EIF2B3: variants seen among roughly 807,000 people sequenced by gnomAD.
The protein encoded by EIF2B3 is eukaryotic translation initiation factor 2B subunit gamma.
Under a neutral mutation model 54.1 loss-of-function variants are expected in EIF2B3, and 20 were observed. The observed-to-expected ratio is 0.37, with a 90% confidence interval of 0.26 to 0.54. EIF2B3 has a LOEUF of 0.54. EIF2B3 is among the 20% of genes least tolerant of loss of function. EIF2B3 has a pLI of 0.86. For missense variants in EIF2B3, 448 were observed against 547.8 expected (o/e 0.82, Z 1.82); for synonymous variants, 153 against 188.1 (o/e 0.81, Z 1.52).
At chr1:44,857,454 C>T (rs1654466570) in intron 11 of EIF2B3, among the ~76,000 whole-genome samples, 1 of 151,998 alleles carries the variant, frequency 6.6e-6, no homozygotes, top group African/African-American at 2.4e-5. Flanking sequence ...TCGCTTGAAC[C>T]CGGGAGGCGG....
At position 44,964,557 on chromosome 1, in the gene EIF2B3, A is replaced by G. The variant is rs60253555; in HGVS notation, c.294+13758T>C. On this transcript the variant is annotated intron_variant, in intron 3 of 11. Transcript: ENST00000360403. ...GTCTTTCTAATAAGCTGTCTCCAGCATGGGGATTTCATTGGCATAGTTTGT... is the reference window on the plus strand; with the variant it reads ...GTCTTTCTAATAAGCTGTCTCCAGCGTGGGGATTTCATTGGCATAGTTTGT... 9.1e-3 allele frequency among the ~76,000 whole-genome samples: 1,388 copies of G among 152,338 alleles called. 21 individuals carry two copies. Among genetic ancestry groups the G allele is most frequent in the African/African-American group, 0.031 (1,279 of 41,588 alleles).
intron 10 of EIF2B3, among the ~76,000 whole-genome samples, chr1:44,861,238 G>A (rs1654602020): frequency 6.6e-6 from 1 of 152,146 alleles, no homozygotes; most frequent in South Asian, 2.1e-4. Context: ...GGTGGTTCCT[G>A]CTTTTTGGGG....
intron 5 of EIF2B3, among the ~76,000 whole-genome samples, chr1:44,920,006 C>G (rs1643706874): frequency 6.7e-6 from 1 of 150,112 alleles, no homozygotes; most frequent in African/African-American, 2.4e-5. Flanking sequence ...AGGCATGAAC[C>G]ACTGCACCCG....
chr1:44,889,406 C>T (rs1655721916), intron 6 of EIF2B3, among the ~76,000 whole-genome samples: 1 of 150,442 alleles, frequency 6.6e-6, no homozygotes, highest in Non-Finnish European at 1.5e-5. Flanking sequence ...GTGTGGTGGC[C>T]TGTGCCTGTA....
chr1:44,953,723 G>A (rs1363684658), intron 3 of EIF2B3, among the ~76,000 whole-genome samples: 1 of 152,184 alleles, frequency 6.6e-6, no homozygotes, highest in Non-Finnish European at 1.5e-5. Flanking sequence ...AGCCCAGGAG[G>A]TCGAGGCTAC....
chr1:44,949,186 TAG>T (rs1553178170), intron 3 of EIF2B3, among the ~76,000 whole-genome samples: 1 of 152,160 alleles, frequency 6.6e-6, no homozygotes, highest in Non-Finnish European at 1.5e-5. Context: ...GTTAATTTGA[TAG>T]AGTCGACTGC....
intron 3 of EIF2B3, among the ~76,000 whole-genome samples, chr1:44,965,090 T>C (rs987567239): frequency 1.3e-5 from 2 of 152,154 alleles, no homozygotes; most frequent in African/African-American, 4.8e-5. Context: ...ACAACACTTC[T>C]TGTTCACATG....
At chr1:44,900,162 A>G (rs7531019) in intron 5 of EIF2B3, among the ~76,000 whole-genome samples, 27,229 of 152,076 alleles carry the variant, frequency 0.18, 2,701 homozygotes, top group Admixed American at 0.28. Context: ...GATGGGAACA[A>G]AAGTCTGGGA....
Position 44,917,755 on chromosome 1 carries a change from C to CTTTTTTTTTT in EIF2B3, c.566+8863_566+8872dup, listed in dbSNP as rs869139321. Among the ~76,000 whole-genome samples, 3 of 44,232 alleles carry CTTTTTTTTTT rather than the reference C, an allele frequency of 6.8e-5. 1 individual carries two copies. The highest frequency in any genetic ancestry group is 9.7e-5 in the Non-Finnish European group (2 of 20,674). The allele number at this position is 44,232 out of a possible 152,430, so 29.0% of individuals were successfully genotyped here. Reference sequence around the variant, plus strand: ...TATTTATTTTGCCACCAATAACACTCTTTTTTTTTTTTTTTTTTTTTTTTT... The same window carrying CTTTTTTTTTT: ...TATTTATTTTGCCACCAATAACACTCTTTTTTTTTTTTTTTTTTTTTTTTTTTTTTTTTTT... On this transcript the variant is annotated intron_variant, in intron 5 of 11. Transcript: ENST00000360403.
chr1:44,984,900 G>T (rs181147961), intron 1 of EIF2B3, among the ~76,000 whole-genome samples: 2 of 138,508 alleles, frequency 1.4e-5, no homozygotes, highest in Non-Finnish European at 1.5e-5. Context: ...TCCGCTTCCC[G>T]GGTTCACGCC....
chr1:44,893,433 A>G (rs925833012), intron 6 of EIF2B3, among the ~76,000 whole-genome samples: 1 of 152,226 alleles, frequency 6.6e-6, no homozygotes, highest in African/African-American at 2.4e-5. Context: ...CATGTTGGCA[A>G]CAGAGATATC....
chr1:44,865,027 G>A (rs1654723668), intron 10 of EIF2B3, among the ~76,000 whole-genome samples: 1 of 152,140 alleles, frequency 6.6e-6, no homozygotes, highest in African/African-American at 2.4e-5. Context: ...AGACCAGCCT[G>A]ATCCAACATG....
intron 5 of EIF2B3, among the ~76,000 whole-genome samples, chr1:44,898,315 T>C (rs1010850376): frequency 6.6e-6 from 1 of 152,190 alleles, no homozygotes; most frequent in Non-Finnish European, 1.5e-5. Flanking sequence ...CTACCTCTAT[T>C]GGATAACTTA....
chr1:44,924,468 AC>A (rs1201430348), intron 5 of EIF2B3, among the ~76,000 whole-genome samples: 1 of 151,842 alleles, frequency 6.6e-6, no homozygotes, highest in Non-Finnish European at 1.5e-5. Context: ...GCTCACTGCA[AC>A]CCCTGACTCT....
At chr1:44,942,400 TATATATATATATATATA>T (rs1285648560) in intron 3 of EIF2B3, among the ~76,000 whole-genome samples, 3 of 19,314 alleles carry the variant, frequency 1.6e-4, no homozygotes, top group Non-Finnish European at 2.9e-4. Context: ...TATATATATA[TATATATATATATATATA>T]TTTTTTTTTT....
rs572302700 is a variant in EIF2B3 at position 44,888,625 on chromosome 1, G to T, written c.657-6886C>A. The stretch of plus-strand genomic sequence containing the variant: ...ACGAATCTAATGTATTTTGTGCTAT[G>T]AATTTGTCTGTGTTGTTCTGTCATA... On this transcript the variant is annotated intron_variant, in intron 6 of 11. Coordinates refer to ENST00000360403, the MANE Select transcript of EIF2B3 (RefSeq NM_020365.5). Among the ~76,000 whole-genome samples, 54 of 152,282 alleles carry T rather than the reference G, an allele frequency of 3.5e-4. 2 individuals are homozygous for T. The South Asian group carries it at 0.011, about 31-fold the overall frequency.
rs764411759 is a variant in EIF2B3 at position 44,969,107 on chromosome 1, G to A, written c.294+9208C>T. On this transcript the variant is annotated intron_variant, in intron 3 of 11. Transcript: ENST00000360403. ...GGACTCGTGTGCAGTGATCATCAAC[G>A]GCTGCTAACATCACAAAATGAAAGA... Among the ~76,000 whole-genome samples the A allele has an allele frequency of 5.3e-5, 8 of 152,142 alleles. No homozygotes were observed. In the South Asian group the frequency reaches 1.0e-3, roughly 20 times the overall value.
intron 6 of EIF2B3, among the ~76,000 whole-genome samples, chr1:44,890,293 A>C (rs1655751684): frequency 6.6e-6 from 1 of 152,234 alleles, no homozygotes; most frequent in Admixed American, 6.5e-5. Flanking sequence ...CCGTGAGGCC[A>C]GTAATCCAAT....
chr1:44,907,883 T>C, intron 5 of EIF2B3, among the ~76,000 whole-genome samples: 1 of 88,694 alleles, frequency 1.1e-5, no homozygotes, highest in Non-Finnish European at 1.9e-5. Flanking sequence ...AGAGCGAAAC[T>C]CCATCTCAAA....
Sources: gnomAD v4.1 joint callset for allele counts (sites outside exome capture counted in the v4.1 genomes callset) on GRCh38, gnomAD v4.1.1 for gene constraint, MANE v1.5 for transcripts, NCBI Gene and HGNC (gene_info 2026-07-23, HGNC 2026-07-21) for gene names.